JAZF1: variants seen among roughly 807,000 people sequenced by gnomAD.
The protein encoded by JAZF1 is juxtaposed with another zinc finger protein 1.
Under a neutral mutation model 26.4 loss-of-function variants are expected in JAZF1, and 8 were observed. That is an observed-to-expected ratio of 0.30 (90% CI 0.18 to 0.55). The LOEUF is 0.55. JAZF1 is among the 20% of genes least tolerant of loss of function. The probability of loss-of-function intolerance (pLI) is 0.94; values close to 1 mark genes in which losing one functional copy is unlikely to be tolerated. For missense variants in JAZF1, 199 were observed against 322.0 expected, an observed-to-expected ratio of 0.62 and a Z score of 2.92; for synonymous variants, 126 against 122.3, an observed-to-expected ratio of 1.03 and a Z score of -0.20.
rs550666110 is a variant in JAZF1, at chr7:27,991,812, C to A, written c.188+97G>T. ...ATAGTTTCATGCAAATATTTTAAGA[C>A]TGAAAACATTTTTCCACTCTGTTAA... On this transcript the variant is annotated intron_variant, in intron 2 of 4. Transcript: ENST00000283928. The A allele has an allele frequency of 1.9e-4, 134 of 723,538 alleles. No individual in the cohort carries two copies. In the Middle Eastern group the frequency reaches 1.9e-3, roughly 10 times the overall value. 44.8% of individuals were successfully genotyped at this position (723,538 alleles called of 1,614,324 possible).
At chr7:27,861,226 C>T (rs1243563943) in intron 3 of JAZF1, among the ~76,000 whole-genome samples, 1 of 152,188 alleles carries the variant, frequency 6.6e-6, no homozygotes, top group Non-Finnish European at 1.5e-5. Flanking sequence ...TCTGTCCTTC[C>T]ACCTGCCATC....
At chr7:27,905,899 A>T (rs1784247450) in intron 2 of JAZF1, among the ~76,000 whole-genome samples, 1 of 152,192 alleles carries the variant, frequency 6.6e-6, no homozygotes, top group Admixed American at 6.5e-5. Context: ...GTTTTGATGA[A>T]GAAAAGCCAC....
At chr7:27,912,864 C>T (rs928748292) in intron 2 of JAZF1, among the ~76,000 whole-genome samples, 31 of 152,096 alleles carry the variant, frequency 2.0e-4, no homozygotes, top group Non-Finnish European at 4.1e-4. Flanking sequence ...AGACTGGAGA[C>T]GGCCAACACA....
At chr7:28,044,975 A>T (rs1364464797) in intron 1 of JAZF1, among the ~76,000 whole-genome samples, 1 of 152,162 alleles carries the variant, frequency 6.6e-6, no homozygotes, top group Non-Finnish European at 1.5e-5. Flanking sequence ...TTCAACCCTA[A>T]AAGAGATGAA....
At chr7:28,115,815 G>A (rs1328467224) in intron 1 of JAZF1, among the ~76,000 whole-genome samples, 1 of 151,850 alleles carries the variant, frequency 6.6e-6, no homozygotes, top group Admixed American at 6.6e-5. Context: ...TCCTTTCAAT[G>A]TTTCTTCATG....
At chr7:27,949,321 A>G (rs1295776169) in intron 2 of JAZF1, among the ~76,000 whole-genome samples, 1 of 152,056 alleles carries the variant, frequency 6.6e-6, no homozygotes, top group East Asian at 1.9e-4. Flanking sequence ...CAGCCTTTCT[A>G]TTGTCGTGCC....
intron 1 of JAZF1, among the ~76,000 whole-genome samples, chr7:28,002,814 T>A (rs1456362526): frequency 6.6e-6 from 1 of 152,100 alleles, no homozygotes; most frequent in Non-Finnish European, 1.5e-5. Context: ...CCAGCATTCC[T>A]TGAGCCAGGT....
chr7:28,055,582 ATCTT>A (rs1303437250), intron 1 of JAZF1, among the ~76,000 whole-genome samples: 1 of 152,194 alleles, frequency 6.6e-6, no homozygotes, highest in Non-Finnish European at 1.5e-5. Flanking sequence ...ACAGCAAGAG[ATCTT>A]TGTTTATTAT....
chr7:28,144,285 T>C (rs1057321190), intron 1 of JAZF1, among the ~76,000 whole-genome samples: 2 of 152,156 alleles, frequency 1.3e-5, no homozygotes, highest in African/African-American at 2.4e-5. Flanking sequence ...TCCAAAAGGT[T>C]GACATATTAG....
chr7:27,865,399 T>A (rs767702412), intron 3 of JAZF1, among the ~76,000 whole-genome samples: 43 of 152,116 alleles, frequency 2.8e-4, no homozygotes, highest in Non-Finnish European at 2.1e-4. Flanking sequence ...AAAAGAGATG[T>A]GTTCATGAAG....
At chr7:28,105,827 T>C (rs565666650) in intron 1 of JAZF1, among the ~76,000 whole-genome samples, 1 of 152,346 alleles carries the variant, frequency 6.6e-6, no homozygotes, top group African/African-American at 2.4e-5. Context: ...TTTCTCACTT[T>C]ATCAAAGTGA....
chr7:27,986,283 A>G (rs1785704392), intron 2 of JAZF1, among the ~76,000 whole-genome samples: 1 of 152,236 alleles, frequency 6.6e-6, no homozygotes, highest in Non-Finnish European at 1.5e-5. Context: ...TACAAAATCA[A>G]TGTGCAAAAA....
At chr7:28,045,867 C>T (rs565410882) in intron 1 of JAZF1, among the ~76,000 whole-genome samples, 1 of 152,220 alleles carries the variant, frequency 6.6e-6, no homozygotes, top group Non-Finnish European at 1.5e-5. Context: ...AGCCACTGTG[C>T]CTGGCCTGTT....
Position 27,832,824 on chromosome 7 carries a change from C to T in JAZF1, c.708G>A (p.Glu236=). Residue 236 remains glutamate (E), a synonymous_variant, in exon 5 of 5, where the codon GAG becomes GAA. Transcript: ENST00000283928. ...TINFHPPVSA[E]IIRKMQQ ...GTTATTGCTGCATCTTCCTGATAAT[C>T]TCAGCCGACACCGGGGGATGGAAAT... is the stretch of plus-strand genomic sequence containing the variant. 6.2e-7 allele frequency: 1 copy of T among 1,602,602 alleles called. No homozygotes were observed. The highest frequency in any genetic ancestry group is 8.5e-7 in the Non-Finnish European group (1 of 1,173,588).
chr7:27,947,941 C>T (rs1205226473), intron 2 of JAZF1, among the ~76,000 whole-genome samples: 2 of 152,178 alleles, frequency 1.3e-5, no homozygotes, highest in African/African-American at 4.8e-5. Context: ...ACTCTGCTTG[C>T]TTTCCTACTT....
At chr7:28,126,775 G>A (rs1487094998) in intron 1 of JAZF1, among the ~76,000 whole-genome samples, 1 of 152,178 alleles carries the variant, frequency 6.6e-6, no homozygotes, top group African/African-American at 2.4e-5. Context: ...GTGAGGAAGA[G>A]GAGAGGGAAA....
chr7:28,057,368 C>A (rs1783729014), intron 1 of JAZF1, among the ~76,000 whole-genome samples: 1 of 152,134 alleles, frequency 6.6e-6, no homozygotes, highest in Admixed American at 6.5e-5. Context: ...ACCCTGCAAA[C>A]AAGCCCAAGG....
chr7:27,849,180 C>T (rs974918061), intron 3 of JAZF1, among the ~76,000 whole-genome samples: 6 of 152,170 alleles, frequency 3.9e-5, no homozygotes, highest in African/African-American at 1.4e-4. Flanking sequence ...GCCCTGGAGA[C>T]GGGCTGCAGG....
intron 2 of JAZF1, among the ~76,000 whole-genome samples, chr7:27,961,718 C>G (rs1785187602): frequency 6.6e-6 from 1 of 152,140 alleles, no homozygotes; most frequent in Non-Finnish European, 1.5e-5. Context: ...TGGACTTGTC[C>G]ACCAGTCAAT....
Sources: allele counts gnomAD v4.1 joint callset (sites outside exome capture counted in the v4.1 genomes callset), GRCh38; gene constraint gnomAD v4.1.1; transcripts MANE v1.5; gene names NCBI Gene and HGNC (gene_info 2026-07-23, HGNC 2026-07-21).